CHEK1: variants seen among roughly 807,000 people sequenced by gnomAD.
CHEK1 encodes the protein checkpoint kinase 1.
In CHEK1, 32 loss-of-function variants were observed where a neutral mutation model predicts 60.2. That is an observed-to-expected ratio of 0.53 (90% CI 0.40 to 0.71). CHEK1 has a LOEUF of 0.71. Ranked by LOEUF, CHEK1 falls within the 30% of genes least tolerant of loss-of-function variation. CHEK1 has a pLI of 0.00. For synonymous variants in CHEK1, 179 were observed against 187.2 expected, an observed-to-expected ratio of 0.96 and a Z score of 0.36; for missense variants, 399 against 564.6, an observed-to-expected ratio of 0.71 and a Z score of 2.97.
At position 125,635,515 on chromosome 11, in the gene CHEK1, A is replaced by G. The variant is rs1941038325; in HGVS notation, c.700A>G (p.Ile234Val). 4.4e-6 allele frequency: 7 copies of G among 1,604,926 alleles called. No individual in the cohort carries two copies. Among genetic ancestry groups the G allele is most frequent in the African/African-American group, 1.3e-5 (1 of 74,376 alleles). Reference sequence around the variant, plus strand: ...AACATACCTCAACCCTTGGAAAAAAATCGATTCTGCTCCTCTAGGTAACTG... The same window carrying G: ...AACATACCTCAACCCTTGGAAAAAAGTCGATTCTGCTCCTCTAGGTAACTG... ...KKTYLNPWKK[I>V]DSAPLALLHK... The change falls in exon 7 of 13, where the codon ATC becomes GTC. Residue 234 changes from isoleucine to valine, a missense_variant. By Grantham distance (29) the Ile-to-Val change is conservative. Around this residue, in one of 2 missense-constraint regions of CHEK1, gnomAD observed 370 missense variants for 494.8 expected, o/e 0.75. Transcript: ENST00000438015.
intron 13 of CHEK1, among the ~76,000 whole-genome samples, chr11:125,671,079 T>A (rs1180119218): frequency 2.0e-5 from 3 of 152,120 alleles, no homozygotes; most frequent in Non-Finnish European, 2.9e-5. Context: ...GTTAATTTTT[T>A]AACTTTTTGT....
chr11:125,650,458 G>GTTTTTT (rs71279471), intron 11 of CHEK1, among the ~76,000 whole-genome samples: 13 of 130,744 alleles, frequency 9.9e-5, no homozygotes, highest in East Asian at 6.8e-4. Flanking sequence ...AGTGGTGTTT[G>GTTTTTT]TTTTTTTTTT....
At chr11:125,629,570 T>C (rs1006979198) in intron 5 of CHEK1, 110 bp downstream of exon 5, 1 of 754,376 alleles carries the variant, frequency 1.3e-6, no homozygotes, top group African/African-American at 1.8e-5. Flanking sequence ...CAAGTCTTTT[T>C]GCATTACTGG....
chr11:125,629,481 C>T (rs768804684), intron 5 of CHEK1, 21 bp downstream of exon 5: 2 of 1,521,044 alleles, frequency 1.3e-6, no homozygotes, highest in South Asian at 2.3e-5. Context: ...CATTTTATCA[C>T]TACCTAAAAT....
downstream of CHEK1, chr11:125,680,602 T>C (rs1334960868): frequency 3.7e-6 from 3 of 814,630 alleles, no homozygotes; most frequent in Admixed American, 6.9e-5. Context: ...TGGACTTGTT[T>C]AGCTGCTCTT....
intron 11 of CHEK1, among the ~76,000 whole-genome samples, chr11:125,645,800 C>T (rs1291767195): frequency 6.6e-6 from 1 of 152,118 alleles, no homozygotes; most frequent in Non-Finnish European, 1.5e-5. Flanking sequence ...GTAGATAAGG[C>T]CAATGAAGAG....
chr11:125,672,561 G>A, intron 13 of CHEK1: 7 of 1,611,092 alleles, frequency 4.3e-6, no homozygotes, highest in Non-Finnish European at 5.9e-6. Flanking sequence ...GCTTTTTACT[G>A]CCTGAGTCAA....
Position 125,653,161 on chromosome 11 carries a change from G to A in CHEK1, c.1234-585G>A, listed in dbSNP as rs142309748. 5.5e-3 allele frequency among the ~76,000 whole-genome samples: 833 copies of A among 152,262 alleles called. 11 individuals are homozygous for A. The highest frequency in any genetic ancestry group is 0.019 in the African/African-American group (785 of 41,558). ...CAGGATTTCATTCCTTTATATGGCT[G>A]AGTAGTATTTCATTGTGTATATATA... is the stretch of plus-strand genomic sequence containing the variant. On this transcript the variant is annotated intron_variant, in intron 11 of 12. Transcript: ENST00000438015. The surrounding 1 kb of genome is among the most constrained non-coding windows in gnomAD (Gnocchi z 4.3).
At chr11:125,677,803 A>C (rs1942584774), downstream of CHEK1, 1 of 1,614,080 alleles carries the variant, frequency 6.2e-7, no homozygotes, top group African/African-American at 1.3e-5. Flanking sequence ...TCACCTGTAG[A>C]TGTGCTTGAA....
At chr11:125,659,224 A>T (rs890719080), downstream of CHEK1, among the ~76,000 whole-genome samples, 6 of 152,288 alleles carry the variant, frequency 3.9e-5, 1 homozygote, top group South Asian at 1.2e-3. Context: ...GTTTAAACAT[A>T]ATAATCGATT....
downstream of CHEK1, among the ~76,000 whole-genome samples, chr11:125,660,752 C>CAA (rs57658252): frequency 2.9e-3 from 407 of 140,502 alleles, 1 homozygote; most frequent in African/African-American, 9.3e-3. Context: ...GATTTATTAA[C>CAA]AAAAAAAAAA....
chr11:125,652,870 A>AT (rs1481829197), intron 11 of CHEK1, among the ~76,000 whole-genome samples: 1 of 152,152 alleles, frequency 6.6e-6, no homozygotes, highest in Non-Finnish European at 1.5e-5. Flanking sequence ...TTGAAACTCT[A>AT]TTATTGTTAA....
At chr11:125,640,898 G>A (rs1217455337) in intron 8 of CHEK1, among the ~76,000 whole-genome samples, 6 of 152,218 alleles carry the variant, frequency 3.9e-5, no homozygotes, top group African/African-American at 1.2e-4. Context: ...CAAAGTACTG[G>A]GATTATAGGC....
chr11:125,668,476 T>G (rs1942138394), intron 13 of CHEK1, among the ~76,000 whole-genome samples: 1 of 152,202 alleles, frequency 6.6e-6, no homozygotes, highest in Non-Finnish European at 1.5e-5. Context: ...CATTTTTATT[T>G]GACCCACCTA....
chr11:125,639,487 G>A (rs1941200581), intron 8 of CHEK1, among the ~76,000 whole-genome samples: 1 of 141,652 alleles, frequency 7.1e-6, no homozygotes, highest in South Asian at 2.2e-4. Context: ...TTCGATTCTC[G>A]TGCCTTAGCC....
intron 13 of CHEK1, among the ~76,000 whole-genome samples, chr11:125,664,820 A>T (rs1393590042): frequency 6.6e-6 from 1 of 151,930 alleles, no homozygotes; most frequent in East Asian, 1.9e-4. Flanking sequence ...TGTACTTGTG[A>T]TGTCTTCCAC....
At position 125,633,187 on chromosome 11, in the gene CHEK1, G is replaced by T. The variant is rs2135989710; in HGVS notation, c.449G>T (p.Gly150Val). The T allele has an allele frequency of 6.3e-7, 1 of 1,592,246 alleles. No homozygotes were observed. Among genetic ancestry groups the T allele is most frequent in the Non-Finnish European group, 8.5e-7 (1 of 1,173,650 alleles). Residue 150 changes from glycine (G) to valine (V), a missense_variant, in exon 6 of 13, where the codon GGC becomes GTC. Transcript: ENST00000438015. ...GATAACCTCAAAATCTCAGACTTTG[G>T]CTTGGCAACAGTATTTCGGTATAAT... The part of the protein sequence containing the change: ...ERDNLKISDF[G>V]LATVFRYNNR...
chr11:125,644,387 G>A, intron 10 of CHEK1, 119 bp downstream of exon 10: 5 of 1,451,994 alleles, frequency 3.4e-6, no homozygotes, highest in Non-Finnish European at 4.6e-6. Context: ...ATTCTTTTTT[G>A]GTCAAGGAAG....
intron 13 of CHEK1, among the ~76,000 whole-genome samples, chr11:125,668,485 T>A (rs924011510): frequency 6.6e-6 from 1 of 152,218 alleles, no homozygotes; most frequent in Non-Finnish European, 1.5e-5. Context: ...TTGACCCACC[T>A]AATTGTTGGG....
Sources: gnomAD v4.1 joint callset for allele counts (sites outside exome capture counted in the v4.1 genomes callset) on GRCh38, gnomAD v4.1.1 for gene constraint, gnomAD v4.1.1 regional missense constraint, Gnocchi (gnomAD v3.1) non-coding constraint, MANE v1.5 for transcripts, NCBI Gene and HGNC (gene_info 2026-07-23, HGNC 2026-07-21) for gene names.